The following IQSEC1 variants were observed in gnomAD, a reference collection of about 807,000 sequenced individuals.
The protein encoded by IQSEC1 is IQ motif and Sec7 domain ArfGEF 1.
IQSEC1 carries 31 observed loss-of-function variants against 91.0 expected under a neutral mutation model. The observed-to-expected ratio is 0.34, with a 90% confidence interval of 0.26 to 0.46. The LOEUF is 0.46. Ranked by LOEUF, IQSEC1 falls within the 20% of genes least tolerant of loss-of-function variation. The pLI, the probability that IQSEC1 is intolerant of heterozygous loss-of-function variation, is 1.00. For missense variants in IQSEC1, 1,388 were observed against 1,575.6 expected, an observed-to-expected ratio of 0.88 and a Z score of 2.02; for synonymous variants, 699 against 662.6, an observed-to-expected ratio of 1.05 and a Z score of -0.84.
intron 1 of IQSEC1, among the ~76,000 whole-genome samples, chr3:12,981,866 C>G (rs1348519595): frequency 6.6e-6 from 1 of 152,214 alleles, no homozygotes; most frequent in African/African-American, 2.4e-5. Context: ...ATCCTCTTCC[C>G]CATCTGCACC....
chr3:13,072,736 C>T (rs1301017194), intron 1 of IQSEC1, among the ~76,000 whole-genome samples: 2 of 152,232 alleles, frequency 1.3e-5, no homozygotes, highest in Admixed American at 6.5e-5. Flanking sequence ...AGGGGGGATA[C>T]CTGCTCTCAC....
chr3:13,250,892 C>T (rs1197161547), intron 1 of IQSEC1, among the ~76,000 whole-genome samples: 1 of 152,158 alleles, frequency 6.6e-6, no homozygotes, highest in African/African-American at 2.4e-5. Context: ...CCTCCCTGCA[C>T]CCACATGCCT....
In IQSEC1 at chr3:12,935,875, G is replaced by A. The variant is rs754606659; in HGVS notation, c.1141C>T (p.Arg381Cys). The change falls in exon 3 of 14, where the codon CGC becomes TGC. Residue 381 changes from arginine to cysteine, a missense_variant. Physicochemically the swap from Arg to Cys is radical, Grantham distance 180. Coordinates refer to ENST00000613206, the MANE Select transcript of IQSEC1 (RefSeq NM_001134382.3). This position sits in a 1 kb window ranked among gnomAD's most constrained non-coding sequence, Gnocchi z 8.0. ...CTCTTGAGTGACCCCCGCTCCGAGCGGTCACTAAGGTCCACAGAGCTGTCG... is the reference window on the plus strand; with the variant it reads ...CTCTTGAGTGACCCCCGCTCCGAGCAGTCACTAAGGTCCACAGAGCTGTCG... ...PSDSSVDLSD[R>C]SERGSLKRQS... The A allele has an allele frequency of 6.2e-6, 10 of 1,605,912 alleles. No homozygotes were observed. Among genetic ancestry groups the A allele is most frequent in the East Asian group, 4.5e-5 (2 of 44,876 alleles).
chr3:13,154,021 G>A (rs369264700), intron 2 of IQSEC1, among the ~76,000 whole-genome samples: 4 of 152,104 alleles, frequency 2.6e-5, no homozygotes, highest in African/African-American at 7.2e-5. Flanking sequence ...CAAAGCCAAC[G>A]GGATGAAAAT....
At chr3:13,262,334 A>T (rs1695404387) in intron 1 of IQSEC1, among the ~76,000 whole-genome samples, 2 of 152,236 alleles carry the variant, frequency 1.3e-5, no homozygotes, top group Non-Finnish European at 2.9e-5. Flanking sequence ...AAAGGAGGTG[A>T]GGGAGCAAGC....
At chr3:12,956,282 C>A (rs1432234951) in intron 1 of IQSEC1, among the ~76,000 whole-genome samples, 1 of 152,162 alleles carries the variant, frequency 6.6e-6, no homozygotes, top group Non-Finnish European at 1.5e-5. Context: ...ATTCAAGGCC[C>A]AACGCAAAGA....
intron 1 of IQSEC1, chr3:13,042,227 A>G (rs992801462): frequency 2.6e-5 from 4 of 152,234 alleles, no homozygotes; most frequent in Admixed American, 2.0e-4. Context: ...ATCAGGGCGA[A>G]CTTTCTCTCC....
At chr3:13,221,222 G>T (rs1256066902) in intron 1 of IQSEC1, among the ~76,000 whole-genome samples, 1 of 152,218 alleles carries the variant, frequency 6.6e-6, no homozygotes, top group African/African-American at 2.4e-5. Context: ...TGGGGTGCCT[G>T]GGTGGTGCCC....
intron 1 of IQSEC1, among the ~76,000 whole-genome samples, chr3:13,034,285 G>T (rs1397951069): frequency 1.3e-5 from 2 of 152,200 alleles, no homozygotes; most frequent in East Asian, 3.9e-4. Flanking sequence ...GTCCAAGCCG[G>T]TGGCTGCCAA....
At chr3:13,061,851 G>C (rs1022216378) in intron 1 of IQSEC1, among the ~76,000 whole-genome samples, 1 of 152,168 alleles carries the variant, frequency 6.6e-6, no homozygotes, top group East Asian at 1.9e-4. Context: ...CCAGTGGTTC[G>C]GGGGGCTGAC....
In IQSEC1 at chr3:12,901,399, T is replaced by C. The variant is rs1177988297; in HGVS notation, c.2929A>G (p.Arg977Gly). 6.5e-7 allele frequency: 1 copy of C among 1,544,278 alleles called. No individual in the cohort carries two copies. Residue 977 changes from arginine (R) to glycine (G), a missense_variant, in exon 14 of 14, where the codon AGA becomes GGA. Physicochemically the swap from Arg to Gly is moderately radical, Grantham distance 125. Coordinates refer to ENST00000613206, the MANE Select transcript of IQSEC1 (RefSeq NM_001134382.3). ...SLLGSLFGSK[R>G]GKPPPQAHLP... is the part of the protein sequence containing the mutation. ...TGGGCCTGGGGAGGGGGCTTCCCTCTCTTGCTCCCGAATAAGGAGCCCAGG... is the reference window on the plus strand; with the variant it reads ...TGGGCCTGGGGAGGGGGCTTCCCTCCCTTGCTCCCGAATAAGGAGCCCAGG...
intron 1 of IQSEC1, among the ~76,000 whole-genome samples, chr3:13,027,404 C>A (rs771324900): frequency 6.6e-6 from 1 of 152,188 alleles, no homozygotes; most frequent in Non-Finnish European, 1.5e-5. Context: ...AAAGGGCCAG[C>A]GTCCAAGTTG....
At chr3:13,151,655 T>C in intron 2 of IQSEC1, among the ~76,000 whole-genome samples, 1 of 152,216 alleles carries the variant, frequency 6.6e-6, no homozygotes, top group Non-Finnish European at 1.5e-5. Context: ...AGTACCATCA[T>C]GTCTACATCA....
chr3:13,217,556 A>G (rs79099887), intron 1 of IQSEC1, among the ~76,000 whole-genome samples: 30,329 of 151,922 alleles, frequency 0.2, 4,289 homozygotes, highest in African/African-American at 0.39. Flanking sequence ...CCAGAAAGAG[A>G]GCATAATGGA....
Position 12,901,077 on chromosome 3 carries a change from A to C in IQSEC1, c.3251T>G (p.Val1084Gly), listed in dbSNP as rs762464648. The C allele has an allele frequency of 2.0e-4, 307 of 1,539,654 alleles. No individual in the cohort carries two copies. The highest frequency in any genetic ancestry group is 2.6e-4 in the Non-Finnish European group (299 of 1,144,852). The change falls in exon 14 of 14, where the codon GTG (valine) becomes GGG (glycine). Residue 1084 changes from valine (V) to glycine (G), a missense_variant. Physicochemically the swap from Val to Gly is moderately radical, Grantham distance 109. This residue lies in a region of IQSEC1 where 329 missense variants were observed against 257.8 expected (regional missense o/e 1.28). Coordinates refer to ENST00000613206, the MANE Select transcript of IQSEC1 (RefSeq NM_001134382.3). ...CCCATGGTGGTGCACTGTGTGCCCC[A>C]CGTGGGCCGAGGGCAGCGGCGGGTG... ...HGHPPLPSAH[V>G]GHTVHHHGQP...
At chr3:12,923,251 G>C (rs563614769) in intron 4 of IQSEC1, among the ~76,000 whole-genome samples, 1 of 152,296 alleles carries the variant, frequency 6.6e-6, no homozygotes, top group East Asian at 1.9e-4. Context: ...ACAATGTGCG[G>C]ATTTCCTAAG....
chr3:12,908,300 G>T lies in IQSEC1; in HGVS notation c.2755+49C>A. Reference sequence around the variant, plus strand: ...GCCCTGAATGCAGACGCCCTGCCTCGGTCTTGCATGCGCTGGGCTAGCAAG... The same window carrying T: ...GCCCTGAATGCAGACGCCCTGCCTCTGTCTTGCATGCGCTGGGCTAGCAAG... On this transcript the variant is annotated intron_variant, in intron 12 of 13. Coordinates refer to ENST00000613206, the MANE Select transcript of IQSEC1 (RefSeq NM_001134382.3). The surrounding 1 kb of genome is among the most constrained non-coding windows in gnomAD (Gnocchi z 4.9). 1 of 1,587,654 alleles carries T rather than the reference G, an allele frequency of 6.3e-7. No individual in the cohort carries two copies. The highest frequency in any genetic ancestry group is 2.2e-5 in the East Asian group (1 of 44,542).
At chr3:13,039,586 T>C (rs1368509947) in intron 1 of IQSEC1, among the ~76,000 whole-genome samples, 1 of 152,194 alleles carries the variant, frequency 6.6e-6, no homozygotes, top group African/African-American at 2.4e-5. Context: ...AAGTGCTGTA[T>C]ATTCAGTGCT....
chr3:12,951,253 T>C (rs1699523805), intron 1 of IQSEC1, among the ~76,000 whole-genome samples: 1 of 152,116 alleles, frequency 6.6e-6, no homozygotes, highest in African/African-American at 2.4e-5. Flanking sequence ...TTAAACTCTG[T>C]CTCTACTAAA....
Sources: allele counts gnomAD v4.1 joint callset (sites outside exome capture counted in the v4.1 genomes callset), GRCh38; gene constraint gnomAD v4.1.1; regional missense constraint gnomAD v4.1.1; non-coding constraint Gnocchi (gnomAD v3.1); transcripts MANE v1.5; gene names NCBI Gene and HGNC (gene_info 2026-07-23, HGNC 2026-07-21).